The following LDAH variants were observed in gnomAD, a reference collection of about 807,000 sequenced individuals.
LDAH encodes lipid droplet-associated hydrolase.
In LDAH, 26 loss-of-function variants were observed where a neutral mutation model predicts 29.6. The ratio of observed to expected loss-of-function variants is 0.88; its 90% confidence interval spans 0.64 to 1.22. The LOEUF (loss-of-function observed/expected upper bound fraction) is 1.22. LDAH is among the 50% of genes most tolerant of loss of function. The pLI, the probability that LDAH is intolerant of heterozygous loss-of-function variation, is 0.00. For missense variants in LDAH, 344 were observed against 387.3 expected (o/e 0.89, Z 0.94); for synonymous variants, 117 against 133.0 (o/e 0.88, Z 0.83).
rs751903498 is a variant in LDAH, at chr2:20,790,252, T to C, written c.298+3A>G. On this transcript the variant is annotated splice_donor_region_variant and intron_variant, in intron 3 of 6. Coordinates refer to ENST00000237822, the MANE Select transcript of LDAH (RefSeq NM_021925.4). ...AGGAAAGTAGATATTAACAAGGACATACCCTCTGATGTTGTAAGAATCTTC... is the reference window on the plus strand; with the variant it reads ...AGGAAAGTAGATATTAACAAGGACACACCCTCTGATGTTGTAAGAATCTTC... The C allele has an allele frequency of 3.1e-6, 5 of 1,613,966 alleles. No homozygotes were observed. The highest frequency in any genetic ancestry group is 2.2e-5 in the East Asian group (1 of 44,862).
At chr2:20,703,601 T>C (rs1169680345) in intron 5 of LDAH, among the ~76,000 whole-genome samples, 2 of 152,250 alleles carry the variant, frequency 1.3e-5, no homozygotes, top group African/African-American at 4.8e-5. Flanking sequence ...TACACTTCCA[T>C]TCTCTGTCCT....
intron 5 of LDAH, among the ~76,000 whole-genome samples, chr2:20,713,898 A>G (rs1664962763): frequency 6.6e-6 from 1 of 152,216 alleles, no homozygotes; most frequent in South Asian, 2.1e-4. Context: ...TTAGAGACCT[A>G]CAAAGAGACT....
At chr2:20,780,425 T>A (rs553437893) in intron 3 of LDAH, among the ~76,000 whole-genome samples, 1 of 152,066 alleles carries the variant, frequency 6.6e-6, no homozygotes, top group South Asian at 2.1e-4. Flanking sequence ...GAAAAAGGCA[T>A]AAAAAGTGTG....
intron 5 of LDAH, among the ~76,000 whole-genome samples, chr2:20,728,816 G>GAA (rs113580844): frequency 6.8e-6 from 1 of 146,620 alleles, no homozygotes; most frequent in Non-Finnish European, 1.5e-5. Context: ...AGGTTATGGG[G>GAA]AAAAAAAAAA....
At chr2:20,720,595 T>C (rs1008010075) in intron 5 of LDAH, among the ~76,000 whole-genome samples, 8 of 152,082 alleles carry the variant, frequency 5.3e-5, no homozygotes, top group African/African-American at 1.9e-4. Flanking sequence ...ACTAATGACA[T>C]GCTTCACAGA....
intron 4 of LDAH, among the ~76,000 whole-genome samples, chr2:20,771,254 T>C (rs566169506): frequency 1.3e-5 from 2 of 152,308 alleles, no homozygotes; most frequent in Admixed American, 6.5e-5. Context: ...TAATTAGTTA[T>C]GAAAATATTA....
At chr2:20,712,505 C>A (rs920861762) in intron 5 of LDAH, among the ~76,000 whole-genome samples, 7 of 152,148 alleles carry the variant, frequency 4.6e-5, no homozygotes, top group Non-Finnish European at 7.3e-5. Context: ...AGCTCCTCGC[C>A]AGCAATGGAA....
At chr2:20,750,479 T>A (rs1442735131) in intron 4 of LDAH, among the ~76,000 whole-genome samples, 1 of 152,228 alleles carries the variant, frequency 6.6e-6, no homozygotes, top group Non-Finnish European at 1.5e-5. Context: ...GAATATGCTC[T>A]ATGATGAAAC....
chr2:20,709,433 A>G (rs946247870), intron 5 of LDAH, among the ~76,000 whole-genome samples: 9 of 152,164 alleles, frequency 5.9e-5, no homozygotes, highest in African/African-American at 1.9e-4. Context: ...ATTAGTCATC[A>G]AGGAAATATA....
intron 1 of LDAH, among the ~76,000 whole-genome samples, chr2:20,811,484 GT>G (rs11321857): frequency 0.025 from 3,574 of 144,740 alleles, 126 homozygotes; most frequent in African/African-American, 0.078. Flanking sequence ...GATTAAACTA[GT>G]TTTTTTTTTT....
intron 5 of LDAH, among the ~76,000 whole-genome samples, chr2:20,712,066 G>A (rs914444467): frequency 1.3e-5 from 2 of 152,204 alleles, no homozygotes; most frequent in East Asian, 1.9e-4. Context: ...CTCTGAGAAC[G>A]GACAGACTGC....
chr2:20,804,033 G>C (rs1424288268), intron 1 of LDAH, among the ~76,000 whole-genome samples: 1 of 152,042 alleles, frequency 6.6e-6, no homozygotes, highest in Non-Finnish European at 1.5e-5. Flanking sequence ...GAGCACCCCA[G>C]GTAAACAAAG....
chr2:20,753,667 C>T (rs776256791), intron 4 of LDAH, among the ~76,000 whole-genome samples: 14 of 152,202 alleles, frequency 9.2e-5, no homozygotes, highest in Non-Finnish European at 1.9e-4. Context: ...TCCAGTCACA[C>T]TGGCCTTGCT....
intron 5 of LDAH, among the ~76,000 whole-genome samples, chr2:20,735,991 A>T (rs1289832140): frequency 6.6e-6 from 1 of 152,024 alleles, no homozygotes; most frequent in East Asian, 1.9e-4. Context: ...CTCTCTACTC[A>T]GCCTCTTCTG....
intron 5 of LDAH, among the ~76,000 whole-genome samples, chr2:20,723,601 A>AT (rs910155595): frequency 3.9e-5 from 6 of 151,922 alleles, no homozygotes; most frequent in African/African-American, 9.7e-5. Flanking sequence ...CTAAGCATAT[A>AT]TTTTTTTTAA....
At chr2:20,761,517 T>C (rs1327397412) in intron 4 of LDAH, among the ~76,000 whole-genome samples, 3 of 152,184 alleles carry the variant, frequency 2.0e-5, no homozygotes, top group Non-Finnish European at 4.4e-5. Flanking sequence ...GAAGTGACAT[T>C]TGGCTAATGA....
At chr2:20,768,690 G>C (rs1453243657) in intron 4 of LDAH, among the ~76,000 whole-genome samples, 1 of 152,162 alleles carries the variant, frequency 6.6e-6, no homozygotes, top group Non-Finnish European at 1.5e-5. Flanking sequence ...TTTCTGGCCA[G>C]AACAGCAACA....
intron 4 of LDAH, among the ~76,000 whole-genome samples, chr2:20,757,529 TAAAAAAAATACTTGCCAAGCTGTG>T (rs1459158694): frequency 2.0e-5 from 3 of 152,124 alleles, no homozygotes; most frequent in African/African-American, 7.2e-5. Flanking sequence ...GGTATTCAGT[TAAAAAAAATACTTGCCAAGCTGTG>T]ATGGTCAATT....
chr2:20,790,041 A>C (rs893920122), intron 3 of LDAH, among the ~76,000 whole-genome samples: 3 of 152,228 alleles, frequency 2.0e-5, no homozygotes, highest in African/African-American at 7.2e-5. Flanking sequence ...AAAGAAGGCA[A>C]GTCATAGATT....
Sources: gnomAD v4.1 joint callset for allele counts (sites outside exome capture counted in the v4.1 genomes callset) on GRCh38, gnomAD v4.1.1 for gene constraint, MANE v1.5 for transcripts, NCBI Gene and HGNC (gene_info 2026-07-23, HGNC 2026-07-21) for gene names.